The following PKD1L3 variants were observed in gnomAD, a reference collection of about 807,000 sequenced individuals.
PKD1L3 encodes the protein polycystin-1-like protein 3.
Under a neutral mutation model 184.1 loss-of-function variants are expected in PKD1L3, and 239 were observed. The observed-to-expected ratio is 1.30, with a 90% CI of 1.17 to 1.45. The LOEUF is 1.45. Among genes scored for constraint, PKD1L3 ranks in the 40% most tolerant of loss-of-function variants. The probability of loss-of-function intolerance (pLI) is 0.00; values close to 1 mark genes in which losing one functional copy is unlikely to be tolerated. For missense variants in PKD1L3, 2,660 were observed against 2,067.2 expected, an observed-to-expected ratio of 1.29 and a Z score of -5.56; for synonymous variants, 996 against 778.8, an observed-to-expected ratio of 1.28 and a Z score of -4.64.
At chr16:71,944,987 A>G (rs1324043430) in intron 22 of PKD1L3, among the ~76,000 whole-genome samples, 1 of 151,622 alleles carries the variant, frequency 6.6e-6, no homozygotes, top group Non-Finnish European at 1.5e-5. Context: ...TATATTAAAA[A>G]AAGAAAAAAA....
At chr16:71,984,196 T>G (rs2040273549) in intron 5 of PKD1L3, 29 bp from the exon 6 acceptor site, 1 of 1,547,810 alleles carries the variant, frequency 6.5e-7, no homozygotes, top group African/African-American at 1.4e-5. Flanking sequence ...TTGTCAAAAT[T>G]ACTCATACAA....
intron 18 of PKD1L3, among the ~76,000 whole-genome samples, chr16:71,952,462 G>A (rs1481513480): frequency 3.3e-5 from 5 of 150,640 alleles, no homozygotes; most frequent in East Asian, 2.0e-4. Flanking sequence ...CTCGTGATCC[G>A]CCTGCCTCGG....
intron 4 of PKD1L3, among the ~76,000 whole-genome samples, chr16:71,987,145 G>A (rs751454059): frequency 6.6e-6 from 1 of 150,742 alleles, no homozygotes; most frequent in Non-Finnish European, 1.5e-5. Flanking sequence ...GGATGGTCTC[G>A]ATCTCCTGAC....
intron 2 of PKD1L3, among the ~76,000 whole-genome samples, chr16:71,996,359 C>G (rs2040784097): frequency 6.8e-6 from 1 of 146,880 alleles, no homozygotes; most frequent in South Asian, 2.3e-4. Context: ...CCTCCCGGTT[C>G]AAGCGATTCT....
chr16:71,936,293 C>T (rs1182646223), intron 25 of PKD1L3, among the ~76,000 whole-genome samples: 1 of 150,644 alleles, frequency 6.6e-6, no homozygotes, highest in Non-Finnish European at 1.5e-5. Flanking sequence ...GCAACCTCTG[C>T]CTCCCAGGTT....
chr16:71,943,007 TAAGG>T lies in PKD1L3; in HGVS notation c.3873_3876del (p.Phe1291LeufsTer4), dbSNP rs1364976376. 37 of 1,550,114 alleles carry T rather than the reference TAAGG, an allele frequency of 2.4e-5. No individual in the cohort carries two copies. The highest frequency in any genetic ancestry group is 2.9e-5 in the Non-Finnish European group (33 of 1,145,892). On this transcript the variant is annotated frameshift_variant, in exon 24 of 30. Transcript: ENST00000620267. LOFTEE classifies it high-confidence loss of function. Reference sequence around the variant, plus strand: ...GAGTAGATTGCAGTCATCAACAGGGTAAGGAAGAGGATTTGTACTTGTTTAGAAG... The same window carrying T: ...GAGTAGATTGCAGTCATCAACAGGGTAAGAGGATTTGTACTTGTTTAGAAG...
At chr16:71,934,257 CT>C in intron 26 of PKD1L3, 132 bp from the exon 27 acceptor site, 2 of 788,340 alleles carry the variant, frequency 2.5e-6, no homozygotes, top group Non-Finnish European at 4.1e-6. Context: ...GTGAGAACTG[CT>C]TTCTATTGTG....
intron 3 of PKD1L3, among the ~76,000 whole-genome samples, chr16:71,992,729 G>C (rs1274903581): frequency 2.0e-5 from 3 of 152,130 alleles, no homozygotes; most frequent in South Asian, 4.1e-4. Flanking sequence ...TCTAACATTT[G>C]CAGCTGTGAG....
In PKD1L3 at chr16:71,950,158, A is replaced by T. The variant is rs1226549710; in HGVS notation, c.3343T>A (p.Leu1115Met). 1 of 1,552,136 alleles carries T rather than the reference A, an allele frequency of 6.4e-7. No homozygotes were observed. The highest frequency in any genetic ancestry group is 2.0e-5 in the Admixed American group (1 of 50,940). ...ASQLQKLQELLETHILPTEQE... is the reference protein window; with the variant it reads ...ASQLQKLQELMETHILPTEQE... ...TCCGTGGGAAGAATATGTGTTTCCAAGAGTTCCTGGAGTTTTTGAAGTTGG... is the reference window on the plus strand; with the variant it reads ...TCCGTGGGAAGAATATGTGTTTCCATGAGTTCCTGGAGTTTTTGAAGTTGG... Residue 1115 changes from leucine (L) to methionine (M), a missense_variant, in exon 20 of 30, where the codon TTG (leucine) becomes ATG (methionine). Physicochemically the swap from Leu to Met is conservative, Grantham distance 15. Coordinates refer to ENST00000620267, the MANE Select transcript of PKD1L3 (RefSeq NM_181536.2).
At chr16:71,932,020 AG>A (rs1479192654) in intron 28 of PKD1L3, among the ~76,000 whole-genome samples, 1 of 152,166 alleles carries the variant, frequency 6.6e-6, no homozygotes, top group African/African-American at 2.4e-5. Context: ...CAGGAACTAC[AG>A]GTACATGCTA....
Position 71,954,130 on chromosome 16 carries a change from G to A in PKD1L3, c.2784C>T (p.Ser928=). The A allele has an allele frequency of 6.5e-7, 1 of 1,546,904 alleles. No homozygotes were observed. The highest frequency in any genetic ancestry group is 1.2e-5 in the South Asian group (1 of 83,182). ...TTTGCTCATCTCTCTTGGCAGTGGT[G>A]CTGTTTATCTTCCAGAACATAACAT... ...VINVMFWKIN[S]TTAKRDEQMR... is the part of the protein sequence containing the mutation. Residue 928 remains serine, a synonymous_variant, in exon 17 of 30, where the codon AGC becomes AGT. Coordinates refer to ENST00000620267, the MANE Select transcript of PKD1L3 (RefSeq NM_181536.2).
chr16:71,993,408 G>A, intron 2 of PKD1L3, 76 bp from the exon 3 acceptor site: 1 of 897,574 alleles, frequency 1.1e-6, no homozygotes, highest in Non-Finnish European at 1.6e-6. Flanking sequence ...ATCATTACAT[G>A]CACGTATGTG....
Position 71,942,972 on chromosome 16 carries a change from G to C in PKD1L3, c.3912C>G (p.Asn1304Lys). Residue 1304 changes from asparagine to lysine, a missense_variant, in exon 24 of 30, where the codon AAC (asparagine) becomes AAG (lysine). Physicochemically the swap from Asn to Lys is moderately conservative, Grantham distance 94. Coordinates refer to ENST00000620267, the MANE Select transcript of PKD1L3 (RefSeq NM_181536.2). ...LLMTAIYSAK[N>K]SNRFYLHQAI... ...CTTGGTGGAGGTAAAATCTATTGGA[G>C]TTCTTTGCAGAGTAGATTGCAGTCA... 6.4e-7 allele frequency: 1 copy of C among 1,551,570 alleles called. No homozygotes were observed. Among genetic ancestry groups the C allele is most frequent in the Admixed American group, 2.0e-5 (1 of 50,998 alleles).
intron 24 of PKD1L3, among the ~76,000 whole-genome samples, chr16:71,941,077 A>C (rs1471935211): frequency 5.3e-5 from 8 of 151,960 alleles, no homozygotes; most frequent in African/African-American, 1.9e-4. Context: ...GGCTCAAGTG[A>C]TCTTCCTGCC....
intron 5 of PKD1L3, 85 bp downstream of exon 5, chr16:71,986,136 G>A (rs2040352128): frequency 1.4e-6 from 2 of 1,468,452 alleles, no homozygotes; most frequent in African/African-American, 1.4e-5. Flanking sequence ...ATTCTTAGGT[G>A]TAGTTCTGCA....
intron 26 of PKD1L3, 81 bp from the exon 27 acceptor site, chr16:71,934,206 C>G (rs138510179): frequency 1.5e-6 from 2 of 1,323,210 alleles, no homozygotes; most frequent in Non-Finnish European, 2.1e-6. Context: ...TGCTGCTGAT[C>G]GTGGCAGCCC....
intron 11 of PKD1L3, among the ~76,000 whole-genome samples, chr16:71,975,765 C>T (rs1031250371): frequency 1.3e-5 from 2 of 152,140 alleles, no homozygotes; most frequent in African/African-American, 4.8e-5. Context: ...TTTATGGTCA[C>T]GTGTCTACAC....
intron 24 of PKD1L3, among the ~76,000 whole-genome samples, chr16:71,939,387 A>T (rs939749305): frequency 6.6e-6 from 1 of 152,234 alleles, no homozygotes; most frequent in African/African-American, 2.4e-5. Flanking sequence ...AGTGGCTGCA[A>T]GCAATACTCA....
Position 71,977,374 on chromosome 16 carries a change from A to C in PKD1L3, c.1621T>G (p.Leu541Val). The C allele has an allele frequency of 6.4e-7, 1 of 1,551,094 alleles. No individual in the cohort carries two copies. Among genetic ancestry groups the C allele is most frequent in the East Asian group, 2.4e-5 (1 of 40,914 alleles). The stretch of plus-strand genomic sequence containing the variant: ...ATGCTCACTATCAAGGATTTCTCCA[A>C]GGAAGTGACGTTCACTGTGATTGTA... ...QLTITVNVTS[L>V]EKSLIVSIDP... The change falls in exon 11 of 30, where the codon TTG (leucine) becomes GTG (valine). Residue 541 changes from leucine (L) to valine (V), a missense_variant. Coordinates refer to ENST00000620267, the MANE Select transcript of PKD1L3 (RefSeq NM_181536.2).
Sources: gnomAD v4.1 joint callset for allele counts (sites outside exome capture counted in the v4.1 genomes callset) on GRCh38, gnomAD v4.1.1 for gene constraint, MANE v1.5 for transcripts, NCBI Gene and HGNC (gene_info 2026-07-23, HGNC 2026-07-21) for gene names.